SNTG1: variants seen among roughly 807,000 people sequenced by gnomAD.
SNTG1 encodes the protein gamma-1-syntrophin.
SNTG1 carries 39 observed loss-of-function variants against 74.7 expected under a neutral mutation model. That is an observed-to-expected ratio of 0.52 (90% confidence interval 0.40 to 0.68). The LOEUF (loss-of-function observed/expected upper bound fraction) is 0.68, where lower values mean the gene tolerates loss of function less well. SNTG1 is among the 30% of genes least tolerant of loss of function. The pLI is 0.00. For synonymous variants in SNTG1, 254 were observed against 217.1 expected (o/e 1.17, Z -1.49); for missense variants, 685 against 609.5 (o/e 1.12, Z -1.30).
chr8:50,735,178 T>C (rs903392589), intron 17 of SNTG1, among the ~76,000 whole-genome samples: 1 of 151,544 alleles, frequency 6.6e-6, no homozygotes, highest in East Asian at 2.0e-4. Flanking sequence ...TAAAAAATGA[T>C]CTAACTGTAT....
At chr8:50,545,260 TAC>T in intron 11 of SNTG1, among the ~76,000 whole-genome samples, 1 of 151,592 alleles carries the variant, frequency 6.6e-6, no homozygotes, top group South Asian at 2.1e-4. Flanking sequence ...TCAGTAATAA[TAC>T]AGTTTATATT....
chr8:50,324,142 T>C (rs1043162969), intron 2 of SNTG1, among the ~76,000 whole-genome samples: 1 of 152,198 alleles, frequency 6.6e-6, no homozygotes, highest in African/African-American at 2.4e-5. Context: ...AACTTCCAAC[T>C]GCTGGGATGG....
At chr8:50,431,073 T>C (rs1331786705) in intron 4 of SNTG1, among the ~76,000 whole-genome samples, 3 of 152,182 alleles carry the variant, frequency 2.0e-5, no homozygotes, top group Non-Finnish European at 2.9e-5. Context: ...TCGCTGAGGT[T>C]GTAACATACA....
chr8:50,752,615 T>C (rs1309781698), intron 18 of SNTG1, among the ~76,000 whole-genome samples: 1 of 151,942 alleles, frequency 6.6e-6, no homozygotes, highest in African/African-American at 2.4e-5. Flanking sequence ...GAGAAAAGGG[T>C]AAATAACAAA....
intron 1 of SNTG1, among the ~76,000 whole-genome samples, chr8:50,037,352 G>A (rs1220020548): frequency 1.3e-5 from 2 of 152,152 alleles, no homozygotes; most frequent in Admixed American, 6.5e-5. Context: ...CAGGTCTAAC[G>A]TGGGGCCTGA....
At chr8:50,768,331 G>GA (rs966563660) in intron 18 of SNTG1, among the ~76,000 whole-genome samples, 45 of 150,780 alleles carry the variant, frequency 3.0e-4, no homozygotes, top group Middle Eastern at 3.4e-3. Context: ...TCGCTCTAGA[G>GA]AAAAAAAAAT....
intron 11 of SNTG1, among the ~76,000 whole-genome samples, chr8:50,552,208 C>G (rs1320296414): frequency 6.6e-6 from 1 of 152,102 alleles, no homozygotes; most frequent in Admixed American, 6.6e-5. Flanking sequence ...TAGTTTCCAT[C>G]CATTTTGGGA....
At chr8:50,525,940 T>C (rs1270501089) in intron 9 of SNTG1, among the ~76,000 whole-genome samples, 1 of 152,116 alleles carries the variant, frequency 6.6e-6, no homozygotes, top group East Asian at 1.9e-4. Flanking sequence ...TTTGAAAAAA[T>C]CAGCCATGTC....
At chr8:50,792,149 G>C (rs2095692753) in intron 18 of SNTG1, among the ~76,000 whole-genome samples, 1 of 150,966 alleles carries the variant, frequency 6.6e-6, no homozygotes, top group Non-Finnish European at 1.5e-5. Flanking sequence ...AATTAATGCA[G>C]GAATTATTTT....
At chr8:50,718,419 C>T (rs1003492608) in intron 17 of SNTG1, among the ~76,000 whole-genome samples, 6 of 152,142 alleles carry the variant, frequency 3.9e-5, no homozygotes, top group South Asian at 2.1e-4. Context: ...CACTGCCTTA[C>T]GAAAGTAAAC....
intron 18 of SNTG1, among the ~76,000 whole-genome samples, chr8:50,775,028 A>G (rs1393220567): frequency 2.0e-5 from 3 of 151,130 alleles, no homozygotes; most frequent in East Asian, 3.9e-4. Context: ...ATGTACATAT[A>G]TAGTGTTATA....
chr8:50,769,700 C>T (rs2095622468), intron 18 of SNTG1, among the ~76,000 whole-genome samples: 2 of 151,998 alleles, frequency 1.3e-5, no homozygotes, highest in African/African-American at 4.8e-5. Flanking sequence ...GCCACCTTAA[C>T]ATTTATGGCC....
At chr8:50,257,509 G>A (rs1303807320) in intron 2 of SNTG1, among the ~76,000 whole-genome samples, 1 of 152,194 alleles carries the variant, frequency 6.6e-6, no homozygotes, top group Non-Finnish European at 1.5e-5. Context: ...ATTTCGAAGG[G>A]TGTTTCAGAA....
chr8:50,052,313 G>C (rs570448849), intron 1 of SNTG1, among the ~76,000 whole-genome samples: 1 of 152,040 alleles, frequency 6.6e-6, no homozygotes, highest in Non-Finnish European at 1.5e-5. Flanking sequence ...ATGTGGCCAA[G>C]ACAATTCATT....
At chr8:50,513,436 T>C (rs966397633) in intron 9 of SNTG1, among the ~76,000 whole-genome samples, 1 of 152,230 alleles carries the variant, frequency 6.6e-6, no homozygotes, top group Non-Finnish European at 1.5e-5. Flanking sequence ...ACTGCTCTCT[T>C]CAAAGCTGTC....
At chr8:50,445,229 C>G (rs528884805) in intron 5 of SNTG1, among the ~76,000 whole-genome samples, 1 of 152,308 alleles carries the variant, frequency 6.6e-6, no homozygotes, top group African/African-American at 2.4e-5. Context: ...CCGTATTCCT[C>G]CAGGTGATAT....
chr8:50,751,575 G>A (rs762144454), intron 17 of SNTG1, among the ~76,000 whole-genome samples: 1 of 151,974 alleles, frequency 6.6e-6, no homozygotes, highest in Non-Finnish European at 1.5e-5. Flanking sequence ...CACCATGTCA[G>A]TTTTTGTCAT....
chr8:50,671,597 G>A (rs900325852), intron 15 of SNTG1, among the ~76,000 whole-genome samples: 3 of 152,134 alleles, frequency 2.0e-5, no homozygotes, highest in African/African-American at 4.8e-5. Flanking sequence ...CTGGTGATGG[G>A]ACTGTAAACT....
At chr8:50,488,583 G>T (rs1369561392) in intron 8 of SNTG1, among the ~76,000 whole-genome samples, 1 of 151,832 alleles carries the variant, frequency 6.6e-6, no homozygotes, top group African/African-American at 2.4e-5. Flanking sequence ...TCCCTTTCTG[G>T]GCTTGCATAT....
Sources: gnomAD v4.1 joint callset for allele counts (sites outside exome capture counted in the v4.1 genomes callset) on GRCh38, gnomAD v4.1.1 for gene constraint, MANE v1.5 for transcripts, NCBI Gene and HGNC (gene_info 2026-07-23, HGNC 2026-07-21) for gene names.